Variants in ALG13 observed in about 807,000 individuals in gnomAD.
The protein encoded by ALG13 is UDP-N-acetylglucosamine transferase subunit ALG13.
A neutral mutation model predicts 87.8 loss-of-function variants in ALG13; 11 were observed. That is an observed-to-expected ratio of 0.13 (90% CI 0.08 to 0.21). The LOEUF (loss-of-function observed/expected upper bound fraction) is 0.21. Among genes scored for constraint, ALG13 ranks in the 10% least tolerant of loss-of-function variants. ALG13 has a pLI of 1.00. For synonymous variants in ALG13, 320 were observed against 306.3 expected (o/e 1.04, Z -0.47); for missense variants, 756 against 866.1 (o/e 0.87, Z 1.60).
intron 3 of ALG13, among the ~76,000 whole-genome samples, chrX:111,694,082 C>T (rs761594191): frequency 3.7e-5 from 4 of 108,674 alleles, no homozygotes; most frequent in Non-Finnish European, 7.6e-5. Flanking sequence ...CTCGCTCTGT[C>T]GCCCAGGCTG....
chrX:111,690,888 C>A (rs760251197), intron 3 of ALG13, among the ~76,000 whole-genome samples: 2 of 111,193 alleles, frequency 1.8e-5, no homozygotes, highest in Non-Finnish European at 3.8e-5. Flanking sequence ...AAATATTCTT[C>A]CTGGCCCTTT....
intron 3 of ALG13, chrX:111,688,910 A>G: frequency 1.3e-6 from 1 of 749,733 alleles, no homozygotes; most frequent in Non-Finnish European, 1.6e-6. Context: ...AAGTGTCCAT[A>G]GCTCTCTGGT....
chrX:111,689,393 TAAAGAG>T (rs2147776534), intron 3 of ALG13: 10 of 751,780 alleles, frequency 1.3e-5, no homozygotes, highest in Admixed American at 8.8e-5. Flanking sequence ...GATGAAGAAT[TAAAGAG>T]AAACAAATGA....
At chrX:111,724,205 G>T (rs745716628) in intron 14 of ALG13, among the ~76,000 whole-genome samples, 4 of 112,194 alleles carry the variant, frequency 3.6e-5, no homozygotes, top group Non-Finnish European at 7.5e-5. Flanking sequence ...CTGAGCCTCT[G>T]CCAGCATGAA....
intron 23 of ALG13, among the ~76,000 whole-genome samples, chrX:111,743,208 T>TA (rs1005385918): frequency 1.8e-5 from 2 of 111,483 alleles, no homozygotes; most frequent in African/African-American, 6.5e-5. Flanking sequence ...TGCTTTTTTT[T>TA]AAAAAAATGG....
chrX:111,749,489 A>G (rs1944523529), intron 24 of ALG13, among the ~76,000 whole-genome samples: 1 of 108,444 alleles, frequency 9.2e-6, no homozygotes, highest in African/African-American at 3.4e-5. Flanking sequence ...CTCTTACACT[A>G]TCAAATTTTA....
At chrX:111,724,168 A>G (rs1941709594) in intron 14 of ALG13, among the ~76,000 whole-genome samples, 1 of 112,468 alleles carries the variant, frequency 8.9e-6, no homozygotes, top group Non-Finnish European at 1.9e-5. Context: ...AAAACTGTTC[A>G]TAGTAATTGC....
chrX:111,726,593 A>T (rs1305830148), intron 15 of ALG13, among the ~76,000 whole-genome samples: 1 of 110,798 alleles, frequency 9.0e-6, no homozygotes, highest in Non-Finnish European at 1.9e-5. Flanking sequence ...TAGTGCCGAG[A>T]TATACCCATT....
chrX:111,690,432 G>T, intron 3 of ALG13: 1 of 736,140 alleles, frequency 1.4e-6, no homozygotes, highest in Non-Finnish European at 1.6e-6. Flanking sequence ...GATGACCTTG[G>T]GAATTAAGGA....
In ALG13 at chrX:111,735,071, A is replaced by C. The variant is rs752069556; in HGVS notation, c.2478A>C (p.Ser826=). 1 of 1,189,587 alleles carries C rather than the reference A, an allele frequency of 8.4e-7. No homozygotes were observed. Among genetic ancestry groups the C allele is most frequent in the African/African-American group, 1.7e-5 (1 of 57,352 alleles). The change falls in exon 22 of 27, where the codon TCA becomes TCC. Residue 826 remains serine (S), a synonymous_variant. Coordinates refer to ENST00000394780, the MANE Select transcript of ALG13 (RefSeq NM_001099922.3). The part of the protein sequence containing the change: ...TANLSLQDRK[S]CSMSPQDTVT... ...TAAAGTCTCTTCAGGACAGAAAGTC[A>C]TGTTCTATGTCTCCTCAGGACACAG...
intron 2 of ALG13, among the ~76,000 whole-genome samples, 187 bp downstream of exon 2, chrX:111,682,481 G>A (rs930511974): frequency 8.9e-6 from 1 of 111,969 alleles, no homozygotes; most frequent in African/African-American, 3.3e-5. Flanking sequence ...CCTCCAATAA[G>A]GAACTGACAC....
At chrX:111,714,888 G>A (rs1940338434) in intron 8 of ALG13, among the ~76,000 whole-genome samples, 1 of 112,358 alleles carries the variant, frequency 8.9e-6, no homozygotes, top group South Asian at 3.7e-4. Flanking sequence ...AGGAAGAGGA[G>A]TGTTAACTTT....
intron 3 of ALG13, chrX:111,690,025 A>G: frequency 1.3e-6 from 1 of 748,467 alleles, no homozygotes; most frequent in Non-Finnish European, 1.6e-6. Context: ...TGAATAAATT[A>G]AGACTTTAAG....
intron 3 of ALG13, among the ~76,000 whole-genome samples, chrX:111,699,525 T>A (rs1437400144): frequency 8.9e-6 from 1 of 111,747 alleles, no homozygotes; most frequent in East Asian, 2.8e-4. Flanking sequence ...TCAGGTTTTA[T>A]ATTTAAGTTT....
Position 111,744,835 on chromosome X carries a change from T to C in ALG13, c.2863T>C (p.Leu955=), listed in dbSNP as rs1200753439. ...PALDVGETSN[L]QPPPPLPPPP... The stretch of plus-strand genomic sequence containing the variant: ...TCTTGATGTGGGAGAGACTTCAAAC[T>C]TACAACCACCACCACCACTACCACC... The change falls in exon 24 of 27, where the codon TTA becomes CTA. Residue 955 remains leucine, a synonymous_variant. Coordinates refer to ENST00000394780, the MANE Select transcript of ALG13 (RefSeq NM_001099922.3). The C allele has an allele frequency of 2.8e-6, 3 of 1,080,118 alleles. No homozygotes were observed. In the Admixed American group the frequency reaches 7.5e-5, roughly 27 times the overall value. The allele number at this position is 1,080,118 out of a possible 1,213,427, so 89.0% of individuals were successfully genotyped here.
chrX:111,693,232 C>T (rs1460346329), intron 3 of ALG13, among the ~76,000 whole-genome samples: 3 of 75,374 alleles, frequency 4.0e-5, no homozygotes, highest in Non-Finnish European at 7.2e-5. Flanking sequence ...TAGGTTCAAA[C>T]AGGAATGTAG....
chrX:111,725,746 A>G (rs1941922181), intron 15 of ALG13, among the ~76,000 whole-genome samples: 2 of 111,985 alleles, frequency 1.8e-5, no homozygotes, highest in Admixed American at 9.5e-5. Context: ...CTACACCTAT[A>G]AAAATTAATT....
At chrX:111,693,434 C>T (rs184814293) in intron 3 of ALG13, among the ~76,000 whole-genome samples, 39 of 108,693 alleles carry the variant, frequency 3.6e-4, no homozygotes, top group Middle Eastern at 4.8e-3. Context: ...TTAGTAGAGA[C>T]GGGGTTTTGC....
At chrX:111,696,971 C>T (rs899130551) in intron 3 of ALG13, among the ~76,000 whole-genome samples, 15 of 97,188 alleles carry the variant, frequency 1.5e-4, no homozygotes, top group African/African-American at 4.9e-4. Context: ...TGAAATTGCT[C>T]TGGTTCTTAC....
Sources: allele counts gnomAD v4.1 joint callset (sites outside exome capture counted in the v4.1 genomes callset), GRCh38; gene constraint gnomAD v4.1.1; transcripts MANE v1.5; gene names NCBI Gene and HGNC (gene_info 2026-07-23, HGNC 2026-07-21).